The following DMRT1 variants were observed in gnomAD, a reference collection of about 807,000 sequenced individuals.
DMRT1 encodes the protein doublesex- and mab-3-related transcription factor 1.
DMRT1 carries 7 observed loss-of-function variants against 32.3 expected under a neutral mutation model. The observed-to-expected ratio is 0.22, with a 90% CI of 0.12 to 0.41. The LOEUF (loss-of-function observed/expected upper bound fraction) is 0.41. Ranked by LOEUF, DMRT1 falls within the 10% of genes least tolerant of loss-of-function variation. The pLI is 1.00. For missense variants in DMRT1, 625 were observed against 500.5 expected (o/e 1.25, Z -2.37); for synonymous variants, 278 against 206.1 (o/e 1.35, Z -2.99).
intron 4 of DMRT1, among the ~76,000 whole-genome samples, chr9:950,754 A>G (rs113831412): frequency 0.011 from 1,712 of 152,286 alleles, 42 homozygotes; most frequent in African/African-American, 0.039. Flanking sequence ...GCCCCGACTC[A>G]TTAAAGAAAG....
intron 2 of DMRT1, among the ~76,000 whole-genome samples, chr9:851,297 G>A (rs1839141802): frequency 6.6e-6 from 1 of 152,014 alleles, no homozygotes; most frequent in Admixed American, 6.6e-5. Flanking sequence ...GGAGTGCAGT[G>A]GTGCAATCTT....
intron 4 of DMRT1, among the ~76,000 whole-genome samples, chr9:948,085 A>G (rs1213573252): frequency 6.6e-6 from 1 of 152,134 alleles, no homozygotes; most frequent in Non-Finnish European, 1.5e-5. Context: ...GTAATTACTT[A>G]TCTACTCTGA....
At chr9:889,751 A>C (rs1435841661) in intron 2 of DMRT1, among the ~76,000 whole-genome samples, 4 of 152,106 alleles carry the variant, frequency 2.6e-5, no homozygotes, top group Non-Finnish European at 4.4e-5. Context: ...GTTTCTATTT[A>C]TTCGTCTGCT....
chr9:938,371 G>A (rs182958664), intron 4 of DMRT1, among the ~76,000 whole-genome samples: 1 of 152,202 alleles, frequency 6.6e-6, no homozygotes, highest in East Asian at 1.9e-4. Context: ...GGGTACTATT[G>A]TCATCTTAAC....
intron 3 of DMRT1, among the ~76,000 whole-genome samples, chr9:896,361 C>T (rs1817362679): frequency 6.7e-6 from 1 of 148,710 alleles, no homozygotes; most frequent in Admixed American, 6.7e-5. Flanking sequence ...TCACTGCAAC[C>T]TCCACCTCCT....
intron 2 of DMRT1, among the ~76,000 whole-genome samples, chr9:860,061 C>T (rs890479883): frequency 5.3e-5 from 8 of 152,124 alleles, no homozygotes; most frequent in Non-Finnish European, 7.4e-5. Context: ...CTTTGGGAGG[C>T]CGAGGTGGGT....
intron 2 of DMRT1, among the ~76,000 whole-genome samples, chr9:860,968 G>A (rs1040119292): frequency 1.3e-5 from 2 of 152,090 alleles, no homozygotes; most frequent in Non-Finnish European, 1.5e-5. Context: ...TGTATACCAC[G>A]GAAAGGGTTG....
chr9:912,319 C>T (rs1034645071), intron 3 of DMRT1, among the ~76,000 whole-genome samples: 4 of 152,210 alleles, frequency 2.6e-5, no homozygotes, highest in Non-Finnish European at 4.4e-5. Context: ...AGTGAGGACA[C>T]AGAGCCAAAC....
In DMRT1 at chr9:967,939, ACTCCCTTT is replaced by A. The variant is rs112866575; in HGVS notation, c.968-34_968-27del. 47 of 1,400,722 alleles carry A rather than the reference ACTCCCTTT, an allele frequency of 3.4e-5. No individual in the cohort carries two copies. The African/African-American group carries it at 6.0e-4, about 18-fold the overall frequency. The allele number at this position is 1,400,722 out of a possible 1,614,324, so 86.8% of individuals were successfully genotyped here. The stretch of plus-strand genomic sequence containing the variant: ...ATAAAGACCAGCCACTTTTAACATT[ACTCCCTTT>A]CTCCCTTTCTCTCTTTCTCTCTCAC... On this transcript the variant is annotated intron_variant, in intron 4 of 4. Transcript: ENST00000382276.
At chr9:963,897 G>C (rs279900) in intron 4 of DMRT1, among the ~76,000 whole-genome samples, 135,541 of 152,304 alleles carry the variant, frequency 0.89, 60,571 homozygotes, top group East Asian at 1. Context: ...TGCCTACAAA[G>C]TCTAGGAAAC....
Position 841,777 on chromosome 9 carries a change from C to T in DMRT1, c.-62C>T. Reference sequence around the variant, plus strand: ...AGCGTCGCTGTCCGTCGGGTTCATCCCTCGCAGCAGTCTCCAGGCGAGAGA... The same window carrying T: ...AGCGTCGCTGTCCGTCGGGTTCATCTCTCGCAGCAGTCTCCAGGCGAGAGA... On this transcript the variant is annotated 5_prime_UTR_variant, in exon 1 of 5. Transcript: ENST00000382276. The T allele has an allele frequency of 1.3e-6, 2 of 1,559,308 alleles. No individual in the cohort carries two copies. The highest frequency in any genetic ancestry group is 1.7e-6 in the Non-Finnish European group (2 of 1,152,564).
At chr9:853,389 G>A (rs7033438) in intron 2 of DMRT1, among the ~76,000 whole-genome samples, 64,416 of 151,794 alleles carry the variant, frequency 0.42, 13,837 homozygotes, top group East Asian at 0.59. Flanking sequence ...TCTCTGTGGG[G>A]TTATTTAAAT....
At chr9:857,200 G>A (rs1028935533) in intron 2 of DMRT1, among the ~76,000 whole-genome samples, 6 of 152,086 alleles carry the variant, frequency 3.9e-5, no homozygotes, top group Non-Finnish European at 8.8e-5. Context: ...CCAGCTACTC[G>A]GGAGGCAGAG....
intron 2 of DMRT1, among the ~76,000 whole-genome samples, chr9:862,115 G>GTGCTCCTCACTCCC (rs1589462737): frequency 6.7e-6 from 1 of 148,472 alleles, no homozygotes; most frequent in Non-Finnish European, 1.5e-5. Flanking sequence ...CTGGGCAGAG[G>GTGCTCCTCACTCCC]CTGCAATCTC....
At chr9:904,431 G>T (rs1215268754) in intron 3 of DMRT1, among the ~76,000 whole-genome samples, 1 of 152,192 alleles carries the variant, frequency 6.6e-6, no homozygotes, top group Non-Finnish European at 1.5e-5. Flanking sequence ...TCAAGGGAAT[G>T]CATAACAGGT....
At chr9:930,450 C>A (rs962579544) in intron 4 of DMRT1, among the ~76,000 whole-genome samples, 1 of 150,988 alleles carries the variant, frequency 6.6e-6, no homozygotes, top group Admixed American at 6.6e-5. Context: ...TTCGCTCTGT[C>A]GCCCAGGCTG....
intron 2 of DMRT1, among the ~76,000 whole-genome samples, chr9:868,627 A>C (rs567224992): frequency 9.2e-5 from 14 of 152,308 alleles, no homozygotes; most frequent in African/African-American, 3.4e-4. Flanking sequence ...TCAACCTTAC[A>C]AGGTTATCGT....
Position 841,734 on chromosome 9 carries a change from C to G in DMRT1, c.-105C>G. 6.5e-7 allele frequency: 1 copy of G among 1,545,814 alleles called. No individual in the cohort carries two copies. Among genetic ancestry groups the G allele is most frequent in the Non-Finnish European group, 8.7e-7 (1 of 1,146,578 alleles). On this transcript the variant is annotated 5_prime_UTR_variant, in exon 1 of 5. Transcript: ENST00000382276. ...CCTCCGGCTGCAGCGCACACGTCTC[C>G]TGCGCCTCCTCCTCCGGAGCGTCGC...
At chr9:947,602 G>T (rs1564270135) in intron 4 of DMRT1, among the ~76,000 whole-genome samples, 2 of 152,098 alleles carry the variant, frequency 1.3e-5, no homozygotes, top group African/African-American at 4.8e-5. Context: ...TGGAGGTCAC[G>T]GAGCTCAACC....
Sources: allele counts gnomAD v4.1 joint callset (sites outside exome capture counted in the v4.1 genomes callset), GRCh38; gene constraint gnomAD v4.1.1; transcripts MANE v1.5; gene names NCBI Gene and HGNC (gene_info 2026-07-23, HGNC 2026-07-21).